The following NUBPL variants were observed in gnomAD, a reference collection of about 807,000 sequenced individuals.
NUBPL encodes iron-sulfur cluster transfer protein NUBPL.
Under a neutral mutation model 45.7 loss-of-function variants are expected in NUBPL, and 31 were observed. That is an observed-to-expected ratio of 0.68 (90% CI 0.51 to 0.92). The LOEUF (loss-of-function observed/expected upper bound fraction) is 0.92, where lower values mean the gene tolerates loss of function less well. Ranked by LOEUF, NUBPL falls within the 40% of genes least tolerant of loss-of-function variation. The pLI is 0.00. For missense variants in NUBPL, 401 were observed against 398.7 expected, an observed-to-expected ratio of 1.01 and a Z score of -0.05; for synonymous variants, 144 against 140.9, an observed-to-expected ratio of 1.02 and a Z score of -0.15.
At chr14:31,688,646 G>GTT (rs1324079141) in intron 6 of NUBPL, among the ~76,000 whole-genome samples, 17 of 100,644 alleles carry the variant, frequency 1.7e-4, no homozygotes, top group South Asian at 1.1e-3. Flanking sequence ...GCCTGAACAG[G>GTT]TTTTTGTTGT....
Position 31,760,126 on chromosome 14 carries a change from A to AGTGTGTGTGTGTGTGTGTGTGTGT in NUBPL, c.514-27635_514-27634insTGTGTGTGTGTGTGTGTGTGTGTG, listed in dbSNP as rs147699444. ...CTATTACTCTATTACTTCTGACTTT[A>AGTGTGTGTGTGTGTGTGTGTGTGT]GTGTGTGTGTGTGTGTGTGAGAGAG... is the stretch of plus-strand genomic sequence containing the variant. On this transcript the variant is annotated intron_variant, in intron 6 of 10. Transcript: ENST00000281081. 4.1e-3 allele frequency among the ~76,000 whole-genome samples: 123 copies of AGTGTGTGTGTGTGTGTGTGTGTGT among 29,826 alleles called. 15 individuals are homozygous for AGTGTGTGTGTGTGTGTGTGTGTGT. Among genetic ancestry groups the AGTGTGTGTGTGTGTGTGTGTGTGT allele is most frequent in the South Asian group, 7.2e-3 (3 of 418 alleles). The allele number at this position is 29,826 out of a possible 152,430, so 19.6% of individuals were successfully genotyped here.
chr14:31,692,036 T>G (rs1273148779), intron 6 of NUBPL, among the ~76,000 whole-genome samples: 1 of 152,176 alleles, frequency 6.6e-6, no homozygotes, highest in Non-Finnish European at 1.5e-5. Flanking sequence ...GATATATATA[T>G]TTTTTTAAAG....
chr14:31,699,963 G>A (rs558627106), intron 6 of NUBPL, among the ~76,000 whole-genome samples: 1 of 152,304 alleles, frequency 6.6e-6, no homozygotes, highest in Non-Finnish European at 1.5e-5. Flanking sequence ...TGTTAAGTAT[G>A]TGAGGTGATG....
intron 3 of NUBPL, among the ~76,000 whole-genome samples, chr14:31,583,279 T>G (rs1246800769): frequency 6.6e-6 from 1 of 152,224 alleles, no homozygotes. Flanking sequence ...TCTTGGTGAC[T>G]GCTGGTTTTA....
intron 7 of NUBPL, among the ~76,000 whole-genome samples, chr14:31,806,533 A>C (rs1457635120): frequency 6.6e-6 from 1 of 152,176 alleles, no homozygotes; most frequent in Non-Finnish European, 1.5e-5. Context: ...GTGTTTGCTG[A>C]TCAGTATAAA....
intron 4 of NUBPL, among the ~76,000 whole-genome samples, chr14:31,634,702 C>T (rs1441654221): frequency 2.9e-4 from 44 of 152,254 alleles, no homozygotes; most frequent in African/African-American, 8.9e-4. Context: ...TACAGTCCCA[C>T]CAACAATGTA....
intron 4 of NUBPL, among the ~76,000 whole-genome samples, chr14:31,621,952 A>G (rs143200758): frequency 1.3e-5 from 2 of 152,280 alleles, no homozygotes; most frequent in African/African-American, 4.8e-5. Flanking sequence ...AGATAGGAAG[A>G]TATGGGAAAG....
chr14:31,643,053 G>C (rs976639174), intron 4 of NUBPL, among the ~76,000 whole-genome samples: 1 of 151,884 alleles, frequency 6.6e-6, no homozygotes, highest in African/African-American at 2.4e-5. Flanking sequence ...ACAGTTTTTT[G>C]GTGGAGTTTT....
chr14:31,588,464 ATCT>A (rs1285491320), intron 3 of NUBPL, among the ~76,000 whole-genome samples: 12 of 151,972 alleles, frequency 7.9e-5, no homozygotes, highest in African/African-American at 2.9e-4. Context: ...TAAAAAGTAG[ATCT>A]TCTTAATCTT....
At chr14:31,813,492 CAT>C (rs1312801746) in intron 7 of NUBPL, among the ~76,000 whole-genome samples, 3 of 151,310 alleles carry the variant, frequency 2.0e-5, no homozygotes, top group Non-Finnish European at 4.4e-5. Flanking sequence ...TATATACACA[CAT>C]ACATATATAC....
At chr14:31,576,870 A>C (rs1446665961) in intron 3 of NUBPL, among the ~76,000 whole-genome samples, 1 of 152,200 alleles carries the variant, frequency 6.6e-6, no homozygotes, top group Non-Finnish European at 1.5e-5. Context: ...TAGTTCAGGT[A>C]GGATTGTTGA....
At chr14:31,723,207 C>T (rs1238767819) in intron 6 of NUBPL, among the ~76,000 whole-genome samples, 1 of 152,148 alleles carries the variant, frequency 6.6e-6, no homozygotes, top group Non-Finnish European at 1.5e-5. Context: ...GGAGTCTTTT[C>T]CTCATTGCTT....
intron 4 of NUBPL, among the ~76,000 whole-genome samples, chr14:31,664,130 T>A (rs1321860966): frequency 2.0e-5 from 3 of 152,034 alleles, no homozygotes; most frequent in Non-Finnish European, 4.4e-5. Flanking sequence ...GCTTAAGGAG[T>A]TTTTGGACTC....
Position 31,728,134 on chromosome 14 carries a change from A to G in NUBPL, c.513+54560A>G, listed in dbSNP as rs928087667. On this transcript the variant is annotated intron_variant, in intron 6 of 10. Coordinates refer to ENST00000281081, the MANE Select transcript of NUBPL (RefSeq NM_025152.3). ...TGTTATTTATAGAAGGCAGAATTGA[A>G]GCTAGTTTTTTTTACTACTTTTTAT... Among the ~76,000 whole-genome samples the G allele has an allele frequency of 2.0e-5, 3 of 152,082 alleles. No homozygotes were observed. In the South Asian group the frequency reaches 6.2e-4, roughly 31 times the overall value.
At chr14:31,829,891 T>C (rs2040162661) in intron 8 of NUBPL, among the ~76,000 whole-genome samples, 1 of 152,194 alleles carries the variant, frequency 6.6e-6, no homozygotes. Context: ...ATTATCTCAA[T>C]ATTTGTAGGT....
At chr14:31,704,271 A>G (rs1286519306) in intron 6 of NUBPL, among the ~76,000 whole-genome samples, 2 of 152,114 alleles carry the variant, frequency 1.3e-5, no homozygotes, top group African/African-American at 4.8e-5. Context: ...TGGACATTCT[A>G]GGGGTCCCCT....
At chr14:31,613,914 TAAA>T (rs1054014614) in intron 4 of NUBPL, among the ~76,000 whole-genome samples, 30 of 151,740 alleles carry the variant, frequency 2.0e-4, no homozygotes, top group Admixed American at 1.8e-3. Context: ...AATAAAAAAT[TAAA>T]AAAGAAGTCT....
chr14:31,748,805 G>C (rs1178745618), intron 6 of NUBPL, among the ~76,000 whole-genome samples: 1 of 152,002 alleles, frequency 6.6e-6, no homozygotes, highest in Non-Finnish European at 1.5e-5. Flanking sequence ...TAGAGATAGG[G>C]TTTCACCATG....
chr14:31,804,727 A>G (rs902773390), intron 7 of NUBPL, among the ~76,000 whole-genome samples: 1 of 152,206 alleles, frequency 6.6e-6, no homozygotes, highest in South Asian at 2.1e-4. Context: ...ATAACTGGCT[A>G]TCCATAAGCA....
Sources: allele counts gnomAD v4.1 joint callset (sites outside exome capture counted in the v4.1 genomes callset), GRCh38; gene constraint gnomAD v4.1.1; transcripts MANE v1.5; gene names NCBI Gene and HGNC (gene_info 2026-07-23, HGNC 2026-07-21).